Variants in KCNN2 observed in about 807,000 individuals in gnomAD.
The protein encoded by KCNN2 is small conductance calcium-activated potassium channel protein 2.
KCNN2 carries 24 observed loss-of-function variants against 55.5 expected under a neutral mutation model. The observed-to-expected ratio is 0.43, with a 90% confidence interval of 0.31 to 0.61. The LOEUF (loss-of-function observed/expected upper bound fraction) is 0.61, where lower values mean the gene tolerates loss of function less well. KCNN2 is among the 20% of genes least tolerant of loss of function. KCNN2 has a pLI of 0.08. For synonymous variants in KCNN2, 431 were observed against 336.1 expected (o/e 1.28, Z -3.09); for missense variants, 754 against 853.6 (o/e 0.88, Z 1.45).
At chr5:114,306,910 GC>G (rs1756290036) in intron 2 of KCNN2, among the ~76,000 whole-genome samples, 1 of 151,948 alleles carries the variant, frequency 6.6e-6, no homozygotes, top group Non-Finnish European at 1.5e-5. Context: ...TGCCATGTTA[GC>G]CAGGCTGGTC....
intron 1 of KCNN2, among the ~76,000 whole-genome samples, chr5:114,195,458 G>T (rs1261545263): frequency 6.6e-6 from 1 of 151,870 alleles, no homozygotes; most frequent in Non-Finnish European, 1.5e-5. Context: ...TATTGTAAAT[G>T]AAATTTTCTT....
At chr5:114,163,160 T>C (rs1340509246) in intron 1 of KCNN2, among the ~76,000 whole-genome samples, 1 of 152,190 alleles carries the variant, frequency 6.6e-6, no homozygotes, top group East Asian at 1.9e-4. Flanking sequence ...TGAAGTTGTT[T>C]CTTAAGCTGT....
chr5:114,416,897 A>G (rs1034322266), intron 3 of KCNN2, among the ~76,000 whole-genome samples: 6 of 152,208 alleles, frequency 3.9e-5, no homozygotes, highest in African/African-American at 1.4e-4. Context: ...TTAGCAGAAA[A>G]TATCTTTTAT....
intron 6 of KCNN2, among the ~76,000 whole-genome samples, chr5:114,488,070 A>G (rs1469039691): frequency 6.6e-6 from 1 of 152,192 alleles, no homozygotes; most frequent in African/African-American, 2.4e-5. Flanking sequence ...TGTTCAGGTA[A>G]TTCATATGTA....
At chr5:114,460,213 AT>A (rs1175643107) in intron 3 of KCNN2, among the ~76,000 whole-genome samples, 1 of 152,014 alleles carries the variant, frequency 6.6e-6, no homozygotes, top group Non-Finnish European at 1.5e-5. Flanking sequence ...TGAAAACCAC[AT>A]GCCTAGGAAG....
chr5:114,314,471 A>T (rs564824171), intron 2 of KCNN2, among the ~76,000 whole-genome samples: 20 of 152,136 alleles, frequency 1.3e-4, no homozygotes, highest in African/African-American at 4.3e-4. Flanking sequence ...TGTTTTACCT[A>T]TTCCTCTTTT....
At chr5:114,074,221 C>T (rs1178033613) in intron 1 of KCNN2, among the ~76,000 whole-genome samples, 2 of 151,628 alleles carry the variant, frequency 1.3e-5, no homozygotes, top group Non-Finnish European at 2.9e-5. Flanking sequence ...GTATGCTCTA[C>T]CAAAGTATCT....
At chr5:114,435,629 A>T (rs1381117430) in intron 3 of KCNN2, among the ~76,000 whole-genome samples, 1 of 152,140 alleles carries the variant, frequency 6.6e-6, no homozygotes, top group East Asian at 1.9e-4. Flanking sequence ...CTAAAAAAAA[A>T]AGATGATTTA....
intron 2 of KCNN2, among the ~76,000 whole-genome samples, chr5:114,343,882 T>C (rs1757060659): frequency 1.3e-5 from 2 of 152,224 alleles, no homozygotes; most frequent in African/African-American, 4.8e-5. Flanking sequence ...CCTGATAGTC[T>C]GAGTTTCTCC....
chr5:114,427,176 C>T (rs1270543892), intron 3 of KCNN2, among the ~76,000 whole-genome samples: 1 of 152,196 alleles, frequency 6.6e-6, no homozygotes, highest in African/African-American at 2.4e-5. Flanking sequence ...CAAACTTGTC[C>T]TGGGACTTCC....
In KCNN2 at chr5:114,373,660, A is replaced by T. The variant is rs1312301431; in HGVS notation, c.1218+9659A>T. ...AGATTTTATATATATATATATATAA[A>T]ATTACTTGGAACACTGCCTGGCATG... On this transcript the variant is annotated intron_variant, in intron 2 of 7. Coordinates refer to ENST00000673685, the MANE Select transcript of KCNN2 (RefSeq NM_021614.4). Among the ~76,000 whole-genome samples, 163 of 115,274 alleles carry T rather than the reference A, an allele frequency of 1.4e-3. 1 individual carries two copies. The highest frequency in any genetic ancestry group is 2.0e-3 in the East Asian group (6 of 2,962). 75.6% of individuals were successfully genotyped at this position (115,274 alleles called of 152,430 possible). A position where few individuals can be genotyped will look rare whatever the true frequency, so the allele number is the denominator to read the frequency against.
At chr5:114,224,425 T>C (rs1754202217) in intron 2 of KCNN2, among the ~76,000 whole-genome samples, 1 of 152,190 alleles carries the variant, frequency 6.6e-6, no homozygotes, top group South Asian at 2.1e-4. Context: ...GCTAAACATA[T>C]GCATGTATTT....
chr5:114,438,187 G>A (rs973980736), intron 3 of KCNN2, among the ~76,000 whole-genome samples: 2 of 152,178 alleles, frequency 1.3e-5, no homozygotes, highest in African/African-American at 4.8e-5. Context: ...AGTGATTCCA[G>A]TAGAACACAC....
At chr5:114,229,168 A>C (rs1310319666) in intron 2 of KCNN2, among the ~76,000 whole-genome samples, 1 of 151,854 alleles carries the variant, frequency 6.6e-6, no homozygotes, top group Non-Finnish European at 1.5e-5. Flanking sequence ...TATGTTACTC[A>C]GTGTTCAGTT....
chr5:114,284,492 G>T (rs1474571917), intron 2 of KCNN2, among the ~76,000 whole-genome samples: 1 of 151,404 alleles, frequency 6.6e-6, no homozygotes, highest in Non-Finnish European at 1.5e-5. Flanking sequence ...CCAGATAGTT[G>T]AGTACAGGTA....
intron 1 of KCNN2, among the ~76,000 whole-genome samples, chr5:114,144,124 T>C (rs1752347664): frequency 6.6e-6 from 1 of 152,216 alleles, no homozygotes; most frequent in Non-Finnish European, 1.5e-5. Context: ...ATGTCTAAAC[T>C]TAAATTACCT....
intron 1 of KCNN2, among the ~76,000 whole-genome samples, chr5:114,166,808 A>G (rs958803302): frequency 1.3e-5 from 2 of 152,080 alleles, no homozygotes; most frequent in African/African-American, 2.4e-5. Flanking sequence ...GGAGGTGATT[A>G]GATCATGAAG....
chr5:114,478,486 T>C (rs891912425), intron 5 of KCNN2, among the ~76,000 whole-genome samples: 1 of 151,780 alleles, frequency 6.6e-6, no homozygotes, highest in African/African-American at 2.4e-5. Flanking sequence ...CCGGATATCA[T>C]CCAGGAGAAT....
chr5:114,260,794 T>C (rs760641712), intron 2 of KCNN2, among the ~76,000 whole-genome samples: 1 of 152,198 alleles, frequency 6.6e-6, no homozygotes, highest in Non-Finnish European at 1.5e-5. Context: ...TAGGTGTCCA[T>C]TGGGTGCAGG....
Sources: allele counts gnomAD v4.1 joint callset (sites outside exome capture counted in the v4.1 genomes callset), GRCh38; gene constraint gnomAD v4.1.1; transcripts MANE v1.5; gene names NCBI Gene and HGNC (gene_info 2026-07-23, HGNC 2026-07-21).